The following CERS3 variants were observed in gnomAD, a reference collection of about 807,000 sequenced individuals.
CERS3 encodes the protein LAG1 homolog, ceramide synthase 3.
A neutral mutation model predicts 50.3 loss-of-function variants in CERS3; 33 were observed. That is an observed-to-expected ratio of 0.66 (90% confidence interval 0.50 to 0.88). CERS3 has a LOEUF of 0.88. CERS3 is among the 40% of genes least tolerant of loss of function. CERS3 has a pLI of 0.00. For missense variants in CERS3, 470 were observed against 460.3 expected, an observed-to-expected ratio of 1.02 and a Z score of -0.19; for synonymous variants, 176 against 155.2, an observed-to-expected ratio of 1.13 and a Z score of -0.99.
intron 11 of CERS3, among the ~76,000 whole-genome samples, chr15:100,439,450 A>G (rs2033580913): frequency 6.6e-6 from 1 of 151,966 alleles, no homozygotes; most frequent in African/African-American, 2.4e-5. Context: ...TTCCATGTGT[A>G]AGGAATTGAA....
intron 11 of CERS3, among the ~76,000 whole-genome samples, chr15:100,423,652 A>G (rs149281168): frequency 6.6e-6 from 1 of 152,298 alleles, no homozygotes; most frequent in East Asian, 1.9e-4. Context: ...ATCAGGTACT[A>G]TGCTCACTAC....
At position 100,472,338 on chromosome 15, in the gene CERS3, G is replaced by A. The variant is rs181263226; in HGVS notation, c.738+586C>T. On this transcript the variant is annotated intron_variant, in intron 9 of 11. Transcript: ENST00000679737. ...AACAGGTCCGGAAAACAATCCCAAC[G>A]TGGCTTTGTTTCTTCTATTTTGTGT... is the stretch of plus-strand genomic sequence containing the variant. 1.3e-4 allele frequency among the ~76,000 whole-genome samples: 20 copies of A among 152,230 alleles called. No homozygotes were observed. The East Asian group carries it at 2.5e-3, about 19-fold the overall frequency.
In CERS3 at chr15:100,517,964, A is replaced by G. The variant is rs2036537882; in HGVS notation, c.-2+3703T>C. On this transcript the variant is annotated intron_variant, in intron 2 of 11. Coordinates refer to ENST00000679737, the MANE Select transcript of CERS3 (RefSeq NM_001378789.1). ...GCCAATGGCATTGGGCTGGGGGATT[A>G]GGCACCTGTTGGAATAGTTACTGTT... is the stretch of plus-strand genomic sequence containing the variant. Among the ~76,000 whole-genome samples, 5 of 152,244 alleles carry G rather than the reference A, an allele frequency of 3.3e-5. No homozygotes were observed. In the South Asian group the frequency reaches 1.0e-3, roughly 32 times the overall value.
At chr15:100,478,435 A>G (rs1241024392) in intron 7 of CERS3, among the ~76,000 whole-genome samples, 1 of 151,698 alleles carries the variant, frequency 6.6e-6, no homozygotes, top group African/African-American at 2.4e-5. Flanking sequence ...GTAGTTTATG[A>G]CTCACAGTAA....
At chr15:100,502,793 A>T (rs983960745) in intron 2 of CERS3, among the ~76,000 whole-genome samples, 2 of 147,946 alleles carry the variant, frequency 1.4e-5, no homozygotes, top group African/African-American at 4.9e-5. Flanking sequence ...ACTTCAACAC[A>T]TTTTTTTTTT....
intron 3 of CERS3, among the ~76,000 whole-genome samples, chr15:100,501,340 C>A (rs1428660185): frequency 6.6e-6 from 1 of 152,228 alleles, no homozygotes; most frequent in African/African-American, 2.4e-5. Flanking sequence ...AATGCACATG[C>A]ATTGTCAGAC....
At chr15:100,500,508 CA>C (rs1442232354) in intron 3 of CERS3, 11 of 152,144 alleles carry the variant, frequency 7.2e-5, no homozygotes, top group Admixed American at 7.2e-4. Context: ...AGGAAATCTG[CA>C]ATGGAAATAA....
intron 11 of CERS3, among the ~76,000 whole-genome samples, chr15:100,440,450 T>C (rs1041424242): frequency 6.6e-5 from 10 of 152,112 alleles, no homozygotes; most frequent in Non-Finnish European, 1.0e-4. Flanking sequence ...CAAACCCCCT[T>C]TTTCCTTTAC....
rs531254798 is a variant in CERS3 at position 100,432,767 on chromosome 15, G to A, written c.999+23126C>T. Among the ~76,000 whole-genome samples the A allele has an allele frequency of 1.8e-4, 28 of 152,254 alleles. No homozygotes were observed. The Middle Eastern group carries it at 0.01, about 55-fold the overall frequency. On this transcript the variant is annotated intron_variant, in intron 11 of 11. Coordinates refer to ENST00000679737, the MANE Select transcript of CERS3 (RefSeq NM_001378789.1). ...AGCCTGCAGAAACAGAGTCACGTAC[G>A]TTCGAAAGAATTGTATGTATTTAGC...
intron 11 of CERS3, among the ~76,000 whole-genome samples, chr15:100,448,187 A>G (rs1035984286): frequency 1.3e-5 from 2 of 152,214 alleles, no homozygotes; most frequent in African/African-American, 2.4e-5. Flanking sequence ...ATTCTTTAAA[A>G]AGCAGCAAAA....
rs1278282684 is a variant in CERS3 at position 100,401,657 on chromosome 15, C to T, written c.*1056G>A. 1 of 152,300 alleles carries T rather than the reference C, an allele frequency of 6.6e-6. No homozygotes were observed. The highest frequency in any genetic ancestry group is 1.5e-5 in the Non-Finnish European group (1 of 68,110). The allele number at this position is 152,300 out of a possible 1,614,324, so 9.4% of individuals were successfully genotyped here. A position where few individuals can be genotyped will look rare whatever the true frequency, so the allele number is the denominator to read the frequency against. The stretch of plus-strand genomic sequence containing the variant: ...GATCTCCCCTGGGTCTGGCAGTGTA[C>T]ATGCGTGCCCTCCCCAGAGGCTCAG... On this transcript the variant is annotated 3_prime_UTR_variant, in exon 12 of 12. Transcript: ENST00000679737.
chr15:100,465,771 G>A (rs1262446889), intron 10 of CERS3, among the ~76,000 whole-genome samples: 1 of 151,134 alleles, frequency 6.6e-6, no homozygotes, highest in Non-Finnish European at 1.5e-5. Context: ...TGATTCTCCT[G>A]TCTCAGCCTC....
chr15:100,419,781 C>T (rs1362473106), intron 11 of CERS3, among the ~76,000 whole-genome samples: 2 of 147,026 alleles, frequency 1.4e-5, no homozygotes, highest in Admixed American at 6.8e-5. Context: ...AAGAATCTCA[C>T]TCCAAACCAC....
intron 11 of CERS3, among the ~76,000 whole-genome samples, chr15:100,455,578 T>C (rs2034340324): frequency 6.6e-6 from 1 of 152,114 alleles, no homozygotes; most frequent in Non-Finnish European, 1.5e-5. Flanking sequence ...AAATATTACA[T>C]ATCAATAAGC....
At chr15:100,423,086 T>C (rs11853509) in intron 11 of CERS3, among the ~76,000 whole-genome samples, 1 of 59,250 alleles carries the variant, frequency 1.7e-5, no homozygotes, top group African/African-American at 6.0e-5. Flanking sequence ...TAAAGTATAA[T>C]AAAAAAAAAA....
intron 11 of CERS3, among the ~76,000 whole-genome samples, chr15:100,406,876 T>A (rs959927218): frequency 1.3e-5 from 2 of 152,182 alleles, no homozygotes; most frequent in African/African-American, 4.8e-5. Context: ...CTGGGAGGCC[T>A]CACAATCATG....
chr15:100,442,457 G>GTTTC (rs1316429330), intron 11 of CERS3, among the ~76,000 whole-genome samples: 1 of 152,146 alleles, frequency 6.6e-6, no homozygotes, highest in Non-Finnish European at 1.5e-5. Context: ...TGCCTCCACT[G>GTTTC]TGAGACAAAC....
intron 3 of CERS3, among the ~76,000 whole-genome samples, chr15:100,495,615 T>C (rs1344645930): frequency 1.3e-5 from 2 of 152,206 alleles, no homozygotes; most frequent in African/African-American, 4.8e-5. Context: ...CTTTTGCCTA[T>C]TTTTAAAACC....
intron 11 of CERS3, among the ~76,000 whole-genome samples, chr15:100,415,337 A>G (rs1027115770): frequency 4.8e-5 from 7 of 144,600 alleles, no homozygotes; most frequent in African/African-American, 1.5e-4. Context: ...AATGCAAATT[A>G]AACTTGCATT....
Sources: allele counts gnomAD v4.1 joint callset (sites outside exome capture counted in the v4.1 genomes callset), GRCh38; gene constraint gnomAD v4.1.1; transcripts MANE v1.5; gene names NCBI Gene and HGNC (gene_info 2026-07-23, HGNC 2026-07-21).